GMDS: variants seen among roughly 807,000 people sequenced by gnomAD.
GMDS encodes GDP-mannose 4,6 dehydratase.
In GMDS, 20 loss-of-function variants were observed where a neutral mutation model predicts 49.9. That is an observed-to-expected ratio of 0.40 (90% CI 0.28 to 0.58). The LOEUF (loss-of-function observed/expected upper bound fraction) is 0.58. Ranked by LOEUF, GMDS falls within the 20% of genes least tolerant of loss-of-function variation. The probability of loss-of-function intolerance (pLI) is 0.42; values close to 1 mark genes in which losing one functional copy is unlikely to be tolerated. For synonymous variants in GMDS, 177 were observed against 178.6 expected (o/e 0.99, Z 0.07); for missense variants, 362 against 481.4 (o/e 0.75, Z 2.32).
At chr6:2,119,199 G>A (rs1365974130) in intron 2 of GMDS, among the ~76,000 whole-genome samples, 1 of 152,038 alleles carries the variant, frequency 6.6e-6, no homozygotes, top group South Asian at 2.1e-4. Context: ...TATTCCAACA[G>A]CCCAAAATAT....
At chr6:2,057,703 T>G (rs952073650) in intron 4 of GMDS, among the ~76,000 whole-genome samples, 6 of 152,176 alleles carry the variant, frequency 3.9e-5, no homozygotes, top group African/African-American at 1.4e-4. Context: ...CAGGGAGGTA[T>G]GGAGAAATAA....
At chr6:2,131,158 G>A (rs1471020636) in intron 1 of GMDS, among the ~76,000 whole-genome samples, 1 of 152,096 alleles carries the variant, frequency 6.6e-6, no homozygotes, top group Non-Finnish European at 1.5e-5. Flanking sequence ...TTAGAGCAAG[G>A]AAGAACGCAA....
intron 7 of GMDS, among the ~76,000 whole-genome samples, chr6:1,829,138 A>C (rs963008174): frequency 5.9e-5 from 9 of 152,188 alleles, no homozygotes; most frequent in Non-Finnish European, 1.2e-4. Flanking sequence ...TTGAGAGAAC[A>C]AGAAAGGGGA....
chr6:1,623,809 T>A lies in GMDS; in HGVS notation c.*360A>T, dbSNP rs1762760806. The A allele has an allele frequency of 3.7e-6, 1 of 270,776 alleles. No homozygotes were observed. The highest frequency in any genetic ancestry group is 7.0e-6 in the Non-Finnish European group (1 of 142,822). The allele number at this position is 270,776 out of a possible 1,614,324, so 16.8% of individuals were successfully genotyped here. A position where few individuals can be genotyped will look rare whatever the true frequency, so the allele number is the denominator to read the frequency against. On this transcript the variant is annotated 3_prime_UTR_variant, in exon 11 of 11. Transcript: ENST00000380815. ...ACATCCACACTGACCCTGTGAATGC[T>A]AGTTCACAGAAAGACCATTTTTAAT... is the stretch of plus-strand genomic sequence containing the variant.
At chr6:2,234,437 A>G (rs1440510429) in intron 1 of GMDS, among the ~76,000 whole-genome samples, 3 of 151,720 alleles carry the variant, frequency 2.0e-5, no homozygotes, top group Non-Finnish European at 4.4e-5. Flanking sequence ...GTGAAACCCC[A>G]TCTCTACTAA....
intron 7 of GMDS, among the ~76,000 whole-genome samples, chr6:1,845,925 G>T (rs1317693140): frequency 6.6e-6 from 1 of 152,000 alleles, no homozygotes; most frequent in Non-Finnish European, 1.5e-5. Flanking sequence ...GACCCCTGCT[G>T]TTAAGTCCTC....
At chr6:2,018,523 A>C (rs1768046567) in intron 4 of GMDS, among the ~76,000 whole-genome samples, 1 of 152,140 alleles carries the variant, frequency 6.6e-6, no homozygotes. Flanking sequence ...ACCCTAGACA[A>C]CCACTAGTCA....
At chr6:1,875,999 CGA>C (rs1561859524) in intron 7 of GMDS, among the ~76,000 whole-genome samples, 1 of 139,778 alleles carries the variant, frequency 7.2e-6, no homozygotes, top group Non-Finnish European at 1.5e-5. Flanking sequence ...GCCTGGGCAA[CGA>C]GAGAGCACTA....
chr6:1,990,864 A>C (rs978845471), intron 4 of GMDS, among the ~76,000 whole-genome samples: 6 of 151,950 alleles, frequency 3.9e-5, no homozygotes, highest in African/African-American at 1.5e-4. Context: ...GATTACAGGC[A>C]TAAGCCTCCG....
intron 4 of GMDS, among the ~76,000 whole-genome samples, chr6:1,969,261 C>CAAAAAAAAAAAAAAAAAAA (rs761741871): frequency 1.4e-4 from 2 of 14,094 alleles, no homozygotes; most frequent in Non-Finnish European, 3.8e-4. Flanking sequence ...GGCTCCATCT[C>CAAAAAAAAAAAAAAAAAAA]AAAAAAAAAA....
intron 1 of GMDS, among the ~76,000 whole-genome samples, chr6:2,188,626 T>G (rs2127567059): frequency 6.6e-6 from 1 of 152,354 alleles, no homozygotes; most frequent in Middle Eastern, 3.4e-3. Flanking sequence ...CCTCACTAAG[T>G]GTCAGGATAT....
chr6:1,657,853 C>CAA (rs757277370), intron 9 of GMDS, among the ~76,000 whole-genome samples: 21,962 of 62,588 alleles, frequency 0.35, 2,782 homozygotes, highest in East Asian at 0.52. Flanking sequence ...AGAACTCAAG[C>CAA]AAAAAAAAAA....
intron 4 of GMDS, among the ~76,000 whole-genome samples, chr6:2,002,191 A>C (rs895787793): frequency 5.3e-5 from 8 of 152,192 alleles, no homozygotes; most frequent in Non-Finnish European, 1.0e-4. Context: ...CCAAGAACTT[A>C]TTCATTCATT....
At chr6:1,937,038 T>G (rs996576080) in intron 6 of GMDS, among the ~76,000 whole-genome samples, 15 of 152,192 alleles carry the variant, frequency 9.9e-5, no homozygotes, top group African/African-American at 2.7e-4. Flanking sequence ...ATATGGTATT[T>G]TTACTTTACC....
chr6:1,930,213 G>A lies in GMDS; in HGVS notation c.661C>T (p.Arg221Ter). The A allele has an allele frequency of 1.2e-6, 2 of 1,612,498 alleles. No homozygotes were observed. The highest frequency in any genetic ancestry group is 1.7e-6 in the Non-Finnish European group (2 of 1,179,034). The change falls in exon 7 of 11, where the codon CGA (arginine) becomes TGA (stop). Residue 221 changes from arginine to a stop codon, truncating the protein, a stop_gained. Coordinates refer to ENST00000380815, the MANE Select transcript of GMDS (RefSeq NM_001500.4). LOFTEE classifies it high-confidence loss of function. ...TTAGCTACTGACCGGCTAATTTTTC[G>A]AGTAACGAAATTAGCTCCTAAAAAG... ...SPRRGANFVT[R>*]KISRSVAKIY...
intron 4 of GMDS, among the ~76,000 whole-genome samples, chr6:2,062,828 CT>C (rs1439770583): frequency 1.3e-5 from 2 of 152,200 alleles, no homozygotes; most frequent in Non-Finnish European, 2.9e-5. Flanking sequence ...ATTCTCATGA[CT>C]ACCTGTGATT....
At chr6:1,997,069 C>T (rs1766328213) in intron 4 of GMDS, among the ~76,000 whole-genome samples, 2 of 151,926 alleles carry the variant, frequency 1.3e-5, no homozygotes, top group Admixed American at 6.6e-5. Flanking sequence ...TCAGCCCCCT[C>T]CTTCTACTCA....
intron 7 of GMDS, among the ~76,000 whole-genome samples, chr6:1,867,700 T>TTAGG (rs1758508313): frequency 6.6e-6 from 1 of 152,158 alleles, no homozygotes; most frequent in Admixed American, 6.5e-5. Context: ...CCTCTATTAA[T>TTAGG]TAGGTAATTG....
At chr6:1,824,769 G>A (rs1771039381) in intron 7 of GMDS, among the ~76,000 whole-genome samples, 1 of 152,130 alleles carries the variant, frequency 6.6e-6, no homozygotes, top group Non-Finnish European at 1.5e-5. Context: ...TGCCTATTAA[G>A]TACCTGGTAC....
Sources: allele counts gnomAD v4.1 joint callset (sites outside exome capture counted in the v4.1 genomes callset), GRCh38; gene constraint gnomAD v4.1.1; transcripts MANE v1.5; gene names NCBI Gene and HGNC (gene_info 2026-07-23, HGNC 2026-07-21).